LRP1B: variants seen among roughly 807,000 people sequenced by gnomAD.
LRP1B encodes LDL receptor related protein 1B.
LRP1B carries 217 observed loss-of-function variants against 556.6 expected under a neutral mutation model. That is an observed-to-expected ratio of 0.39 (90% CI 0.35 to 0.44). The LOEUF is 0.44. Among genes scored for constraint, LRP1B ranks in the 20% least tolerant of loss-of-function variants. The pLI, the probability that LRP1B is intolerant of heterozygous loss-of-function variation, is 1.00. For missense variants in LRP1B, 5,053 were observed against 5,620.8 expected (o/e 0.90, Z 3.23); for synonymous variants, 2,047 against 1,865.8 (o/e 1.10, Z -2.50).
At chr2:141,939,360 A>C (rs1249966350) in intron 1 of LRP1B, among the ~76,000 whole-genome samples, 1 of 152,062 alleles carries the variant, frequency 6.6e-6, no homozygotes, top group East Asian at 1.9e-4. Flanking sequence ...ACACATAAGG[A>C]AATACAAAAT....
chr2:141,625,079 TA>T (rs1391185517), intron 2 of LRP1B, among the ~76,000 whole-genome samples: 1 of 152,154 alleles, frequency 6.6e-6, no homozygotes, highest in African/African-American at 2.4e-5. Flanking sequence ...GGTTGAAATT[TA>T]AAACAAAGAT....
At chr2:140,732,352 C>T (rs994992055) in intron 35 of LRP1B, among the ~76,000 whole-genome samples, 2 of 152,036 alleles carry the variant, frequency 1.3e-5, no homozygotes, top group African/African-American at 4.8e-5. Flanking sequence ...ACTTGGATGA[C>T]ACTCTTAATA....
intron 1 of LRP1B, among the ~76,000 whole-genome samples, chr2:141,963,133 A>G (rs1338036506): frequency 1.3e-5 from 2 of 151,890 alleles, no homozygotes; most frequent in African/African-American, 4.8e-5. Flanking sequence ...TATTTATCAA[A>G]TGATTGCTAA....
At chr2:140,793,884 A>G (rs1339344358) in intron 32 of LRP1B, among the ~76,000 whole-genome samples, 1 of 152,054 alleles carries the variant, frequency 6.6e-6, no homozygotes, top group Non-Finnish European at 1.5e-5. Flanking sequence ...ATAATTTTTT[A>G]TTTTATAGTT....
intron 3 of LRP1B, among the ~76,000 whole-genome samples, chr2:141,364,150 G>A (rs2105573238): frequency 6.6e-6 from 1 of 152,124 alleles, no homozygotes; most frequent in African/African-American, 2.4e-5. Context: ...AATTACATTT[G>A]AAAATATCCT....
intron 3 of LRP1B, among the ~76,000 whole-genome samples, chr2:141,411,177 C>T (rs1447453399): frequency 2.6e-5 from 4 of 151,954 alleles, no homozygotes; most frequent in Admixed American, 6.6e-5. Context: ...ATATTTAATC[C>T]TCATAGTTCA....
At chr2:141,246,404 C>A (rs958255101) in intron 5 of LRP1B, among the ~76,000 whole-genome samples, 3 of 152,270 alleles carry the variant, frequency 2.0e-5, no homozygotes, top group South Asian at 4.1e-4. Flanking sequence ...TGATACCAGG[C>A]CATTAGGCCC....
chr2:141,305,921 A>G (rs1374472919), intron 3 of LRP1B, among the ~76,000 whole-genome samples: 3 of 152,198 alleles, frequency 2.0e-5, no homozygotes, highest in African/African-American at 4.8e-5. Flanking sequence ...CCATCCTTGC[A>G]TAATTGAGAT....
rs1437888841 is a variant in LRP1B, at chr2:140,782,481, G to A, written c.5360-6243C>T. Among the ~76,000 whole-genome samples the A allele has an allele frequency of 2.0e-5, 3 of 152,018 alleles. No homozygotes were observed. The East Asian group carries it at 5.8e-4, about 29-fold the overall frequency. On this transcript the variant is annotated intron_variant, in intron 32 of 90. Transcript: ENST00000389484. ...ACCGTCATCTACAAATAAGGAGAGT[G>A]ACCTTAGAAGAATCCTGCCCTGCCA... is the stretch of plus-strand genomic sequence containing the variant.
At chr2:141,578,169 A>T (rs1686824228) in intron 2 of LRP1B, among the ~76,000 whole-genome samples, 1 of 152,050 alleles carries the variant, frequency 6.6e-6, no homozygotes, top group African/African-American at 2.4e-5. Context: ...GCTGAGGCAG[A>T]TGGATCATGA....
chr2:141,449,759 A>G (rs1219436063), intron 3 of LRP1B, among the ~76,000 whole-genome samples: 1 of 152,226 alleles, frequency 6.6e-6, no homozygotes, highest in Non-Finnish European at 1.5e-5. Flanking sequence ...GAGGATTTGG[A>G]CAAATGTAAA....
At chr2:141,761,973 T>C (rs1323039533) in intron 2 of LRP1B, among the ~76,000 whole-genome samples, 1 of 152,176 alleles carries the variant, frequency 6.6e-6, no homozygotes, top group Non-Finnish European at 1.5e-5. Context: ...ATCATCTGTA[T>C]TCTAAGGTCA....
At position 140,315,066 on chromosome 2, in the gene LRP1B, C is replaced by G. The variant is rs2105036906; in HGVS notation, c.12674G>C (p.Gly4225Ala). 6.2e-7 allele frequency: 1 copy of G among 1,610,450 alleles called. No individual in the cohort carries two copies. ...DSCKLTCENG[G>A]RCILNEKGDL... ...ACCTTTCTCATTTAAAATGCATCTTCCTCCATTTTCACAAGTTAACTTACA... is the reference window on the plus strand; with the variant it reads ...ACCTTTCTCATTTAAAATGCATCTTGCTCCATTTTCACAAGTTAACTTACA... The change falls in exon 83 of 91, where the codon GGA becomes GCA. Residue 4225 changes from glycine to alanine, a missense_variant. By Grantham distance (60) the Gly-to-Ala change is moderately conservative. Coordinates refer to ENST00000389484, the MANE Select transcript of LRP1B (RefSeq NM_018557.3).
chr2:140,310,969 C>A (rs1242032470), intron 83 of LRP1B, among the ~76,000 whole-genome samples: 1 of 151,684 alleles, frequency 6.6e-6, no homozygotes, highest in African/African-American at 2.4e-5. Flanking sequence ...AAATAAAAAT[C>A]ACAATGAAAT....
At chr2:141,794,809 T>C (rs192939274) in intron 2 of LRP1B, among the ~76,000 whole-genome samples, 12 of 152,190 alleles carry the variant, frequency 7.9e-5, no homozygotes, top group African/African-American at 2.6e-4. Context: ...TTCTTAAAAC[T>C]GTCCTCAGGA....
intron 3 of LRP1B, among the ~76,000 whole-genome samples, chr2:141,478,718 T>C (rs12990645): frequency 2.6e-5 from 4 of 151,894 alleles, no homozygotes; most frequent in Non-Finnish European, 4.4e-5. Flanking sequence ...TAATTTTTTG[T>C]TTTTTTAATA....
Position 140,628,312 on chromosome 2 carries a change from C to T in LRP1B, c.6800-26673G>A, listed in dbSNP as rs183288410. 2.0e-3 allele frequency among the ~76,000 whole-genome samples: 298 copies of T among 152,112 alleles called. 1 individual carries two copies. Among genetic ancestry groups the T allele is most frequent in the African/African-American group, 6.6e-3 (275 of 41,506 alleles). The stretch of plus-strand genomic sequence containing the variant: ...TTGGGAGGCCGAGGCGGGAGGATCA[C>T]GAGGTCAGGAGATCAAGACCATCCT... On this transcript the variant is annotated intron_variant, in intron 41 of 90. Coordinates refer to ENST00000389484, the MANE Select transcript of LRP1B (RefSeq NM_018557.3).
At chr2:140,475,481 G>T (rs1687937543) in intron 59 of LRP1B, 144 bp from the exon 60 acceptor site, 2 of 528,606 alleles carry the variant, frequency 3.8e-6, no homozygotes, top group African/African-American at 1.9e-5. Context: ...ATCCTTTGAT[G>T]CAAAATTTCT....
chr2:141,548,480 C>T (rs1404995900), intron 2 of LRP1B, among the ~76,000 whole-genome samples: 4 of 152,210 alleles, frequency 2.6e-5, no homozygotes, highest in African/African-American at 7.2e-5. Context: ...GAAATGCTTA[C>T]TTGCTTGCTA....
Sources: allele counts gnomAD v4.1 joint callset (sites outside exome capture counted in the v4.1 genomes callset), GRCh38; gene constraint gnomAD v4.1.1; transcripts MANE v1.5; gene names NCBI Gene and HGNC (gene_info 2026-07-23, HGNC 2026-07-21).